LGSN: variants seen among roughly 807,000 people sequenced by gnomAD.
The protein encoded by LGSN is lengsin, lens protein with glutamine synthetase domain.
In LGSN, 21 loss-of-function variants were observed where a neutral mutation model predicts 19.5. That is an observed-to-expected ratio of 1.07 (90% confidence interval 0.76 to 1.55). The LOEUF (loss-of-function observed/expected upper bound fraction) is 1.55. Among genes scored for constraint, LGSN ranks in the 40% most tolerant of loss-of-function variants. The pLI is 0.00. For synonymous variants in LGSN, 257 were observed against 215.6 expected (o/e 1.19, Z -1.68); for missense variants, 673 against 608.5 (o/e 1.11, Z -1.12).
chr6:63,289,015 A>T (rs116428194), intron 2 of LGSN, among the ~76,000 whole-genome samples: 5,711 of 152,224 alleles, frequency 0.038, 355 homozygotes, highest in African/African-American at 0.13. Flanking sequence ...TCAGTGTCCA[A>T]ATTGGCACCT....
At chr6:63,437,719 C>T in the LGSN span, among the ~76,000 whole-genome samples, 1 of 152,040 alleles carries the variant, frequency 6.6e-6, no homozygotes, top group Middle Eastern at 3.4e-3. Context: ...GATTTGAGGT[C>T]AGGAGTTCGA....
the LGSN span, among the ~76,000 whole-genome samples, chr6:63,526,973 T>A: frequency 6.6e-6 from 1 of 152,036 alleles, no homozygotes; most frequent in Non-Finnish European, 1.5e-5. Context: ...TTCAAGTTTA[T>A]CTTTCTTTAT....
At chr6:63,501,585 T>C in the LGSN span, among the ~76,000 whole-genome samples, 3 of 151,948 alleles carry the variant, frequency 2.0e-5, no homozygotes, top group Non-Finnish European at 4.4e-5. Flanking sequence ...TGCTGTCTAA[T>C]GTGAAAAAAA....
the LGSN span, among the ~76,000 whole-genome samples, chr6:63,357,230 C>T: frequency 2.0e-5 from 3 of 152,080 alleles, no homozygotes; most frequent in Admixed American, 2.0e-4. Context: ...TCCACTCTAT[C>T]ATTGTTGGAC....
the LGSN span, among the ~76,000 whole-genome samples, chr6:63,366,217 A>G: frequency 6.6e-6 from 1 of 152,238 alleles, no homozygotes; most frequent in Non-Finnish European, 1.5e-5. Flanking sequence ...AATCTCCTTA[A>G]GCTGATAAGC....
chr6:63,307,959 T>C (rs781001801), intron 1 of LGSN, among the ~76,000 whole-genome samples: 1 of 152,192 alleles, frequency 6.6e-6, no homozygotes, highest in Non-Finnish European at 1.5e-5. Flanking sequence ...GCTTGGACTC[T>C]ACAGTAATGC....
chr6:63,436,251 A>G, the LGSN span, among the ~76,000 whole-genome samples: 2 of 152,124 alleles, frequency 1.3e-5, no homozygotes, highest in African/African-American at 4.8e-5. Flanking sequence ...TGTAAACTTT[A>G]TGAGAGCAGC....
the LGSN span, among the ~76,000 whole-genome samples, chr6:63,345,550 A>G: frequency 6.6e-6 from 1 of 152,150 alleles, no homozygotes; most frequent in African/African-American, 2.4e-5. Context: ...TTTATGTCTT[A>G]TTACTCCACC....
chr6:63,301,233 G>A (rs1488529563), intron 1 of LGSN, among the ~76,000 whole-genome samples: 1 of 152,158 alleles, frequency 6.6e-6, no homozygotes, highest in East Asian at 1.9e-4. Flanking sequence ...GGAGGTTGCA[G>A]TGAGCCAAGA....
the LGSN span, among the ~76,000 whole-genome samples, chr6:63,412,635 A>G: frequency 1.5e-5 from 2 of 135,122 alleles, no homozygotes; most frequent in Non-Finnish European, 3.1e-5. Flanking sequence ...AGGGAAAGAA[A>G]GGGAAGGAAG....
the LGSN span, among the ~76,000 whole-genome samples, chr6:63,552,353 T>C: frequency 6.6e-6 from 1 of 152,248 alleles, no homozygotes; most frequent in Non-Finnish European, 1.5e-5. Context: ...TGTCTGTTCA[T>C]GTCCTTTACC....
At chr6:63,446,780 T>C in the LGSN span, among the ~76,000 whole-genome samples, 1 of 152,212 alleles carries the variant, frequency 6.6e-6, no homozygotes, top group Non-Finnish European at 1.5e-5. Flanking sequence ...CCGGGAGCAG[T>C]GGCTCATGCC....
the LGSN span, among the ~76,000 whole-genome samples, chr6:63,438,295 T>C: frequency 1.6e-4 from 25 of 152,126 alleles, no homozygotes; most frequent in South Asian, 2.1e-3. Context: ...TAGGCATGGG[T>C]AAGGACTTCA....
chr6:63,300,894 G>A (rs1489389611), intron 1 of LGSN, among the ~76,000 whole-genome samples: 1 of 152,124 alleles, frequency 6.6e-6, no homozygotes, highest in African/African-American at 2.4e-5. Context: ...TGCAGATACT[G>A]ATATAAAACA....
chr6:63,537,187 G>A, the LGSN span, among the ~76,000 whole-genome samples: 1 of 152,150 alleles, frequency 6.6e-6, no homozygotes, highest in South Asian at 2.1e-4. Context: ...TTAAGAGGGT[G>A]GGGACAGTAG....
the LGSN span, among the ~76,000 whole-genome samples, chr6:63,373,614 TAA>T: frequency 1.3e-5 from 2 of 152,010 alleles, no homozygotes; most frequent in African/African-American, 4.8e-5. Context: ...TAAAGGAGAC[TAA>T]AGAGACAAGA....
chr6:63,325,983 C>T, the LGSN span, among the ~76,000 whole-genome samples: 504 of 152,158 alleles, frequency 3.3e-3, 4 homozygotes, highest in African/African-American at 0.01. Flanking sequence ...TTGGTAGAGC[C>T]GAGTGGTCTG....
the LGSN span, among the ~76,000 whole-genome samples, chr6:63,518,768 T>C: frequency 6.6e-6 from 1 of 152,290 alleles, no homozygotes; most frequent in Middle Eastern, 3.4e-3. Context: ...GCAATAATCA[T>C]AAATGTACCT....
chr6:63,538,979 T>C, the LGSN span, among the ~76,000 whole-genome samples: 31 of 152,256 alleles, frequency 2.0e-4, no homozygotes, highest in Middle Eastern at 6.8e-3. Flanking sequence ...TGTAACCTCC[T>C]CCTCTTTGGT....
Sources: gnomAD v4.1 joint callset for allele counts (sites outside exome capture counted in the v4.1 genomes callset) on GRCh38, gnomAD v4.1.1 for gene constraint, MANE v1.5 for transcripts, NCBI Gene and HGNC (gene_info 2026-07-23, HGNC 2026-07-21) for gene names.